The following PDZRN4 variants were observed in gnomAD, a reference collection of about 807,000 sequenced individuals.
The protein encoded by PDZRN4 is PDZ domain-containing RING finger protein 4.
A neutral mutation model predicts 99.0 loss-of-function variants in PDZRN4; 70 were observed. The ratio of observed to expected loss-of-function variants is 0.71; its 90% confidence interval spans 0.58 to 0.86. PDZRN4 has a LOEUF of 0.86. PDZRN4 is among the 40% of genes least tolerant of loss of function. The pLI, the probability that PDZRN4 is intolerant of heterozygous loss-of-function variation, is 0.00. For missense variants in PDZRN4, 1,474 were observed against 1,331.2 expected (o/e 1.11, Z -1.67); for synonymous variants, 551 against 501.6 (o/e 1.10, Z -1.32).
chr12:41,454,625 A>G (rs945656671), intron 3 of PDZRN4, among the ~76,000 whole-genome samples: 8 of 152,210 alleles, frequency 5.3e-5, no homozygotes, highest in African/African-American at 1.9e-4. Flanking sequence ...CCGGTGTGAC[A>G]CTGGTCACAA....
intron 5 of PDZRN4, among the ~76,000 whole-genome samples, chr12:41,545,867 G>A (rs925206219): frequency 1.3e-5 from 2 of 151,978 alleles, no homozygotes; most frequent in African/African-American, 4.8e-5. Flanking sequence ...GAAGGGCATG[G>A]TAGCAGAACT....
intron 3 of PDZRN4, among the ~76,000 whole-genome samples, chr12:41,458,126 T>C (rs1343961280): frequency 6.6e-6 from 1 of 152,192 alleles, no homozygotes; most frequent in Non-Finnish European, 1.5e-5. Flanking sequence ...CTGGGAAATC[T>C]AGAAGGTGTT....
At chr12:41,296,434 A>G (rs1951494621) in intron 3 of PDZRN4, among the ~76,000 whole-genome samples, 2 of 152,134 alleles carry the variant, frequency 1.3e-5, no homozygotes, top group African/African-American at 4.8e-5. Context: ...AAGAACAGTA[A>G]CTTCTTCTTA....
rs118155654 is a variant in PDZRN4 at position 41,312,453 on chromosome 12, C to T, written c.843+118265C>T. On this transcript the variant is annotated intron_variant, in intron 3 of 9. Transcript: ENST00000402685. ...TACATACTCTGCTCCTGAGGCTGGG[C>T]GTGTGGCCTTCTGTATTAGTCTGTT... is the stretch of plus-strand genomic sequence containing the variant. Among the ~76,000 whole-genome samples, 478 of 152,202 alleles carry T rather than the reference C, an allele frequency of 3.1e-3. 3 individuals carry two copies. The highest frequency in any genetic ancestry group is 5.0e-3 in the Non-Finnish European group (338 of 68,018).
intron 9 of PDZRN4, among the ~76,000 whole-genome samples, chr12:41,569,682 A>G (rs1002545890): frequency 6.6e-6 from 1 of 152,234 alleles, no homozygotes; most frequent in African/African-American, 2.4e-5. Context: ...CAGCTTGCTA[A>G]CATCCCATAA....
chr12:41,364,973 A>C (rs538180355), intron 3 of PDZRN4, among the ~76,000 whole-genome samples: 1 of 151,104 alleles, frequency 6.6e-6, no homozygotes, highest in Admixed American at 6.6e-5. Context: ...AAATTATACA[A>C]ATGTAGTTTT....
chr12:41,571,860 T>A lies in PDZRN4; in HGVS notation c.1585-504T>A, dbSNP rs372964667. ...ATGTTAACTTAGTCCTAAAACTCTG[T>A]GATGTTTGGCTTACCCATTGTCAGC... On this transcript the variant is annotated intron_variant, in intron 9 of 9. Transcript: ENST00000402685. Among the ~76,000 whole-genome samples the A allele has an allele frequency of 1.1e-4, 16 of 152,320 alleles. 1 individual carries two copies. In the South Asian group the frequency reaches 3.1e-3, roughly 30 times the overall value.
At position 41,573,460 on chromosome 12, in the gene PDZRN4, G is replaced by A. The variant is rs758202277; in HGVS notation, c.2681G>A (p.Arg894Lys). Residue 894 changes from arginine (R) to lysine (K), a missense_variant, in exon 10 of 10, where the codon AGG (arginine) becomes AAG (lysine). Arg to Lys is a conservative substitution (Grantham distance 26, BLOSUM62 2). Coordinates refer to ENST00000402685, the MANE Select transcript of PDZRN4 (RefSeq NM_001164595.2). ...EPKMEWKVKI[R>K]SDGTRYITKR... ...AAGATGGAATGGAAGGTGAAAATTA[G>A]GAGCGACGGGACACGGTACATCACA... The A allele has an allele frequency of 6.8e-6, 11 of 1,613,780 alleles. No homozygotes were observed. Among genetic ancestry groups the A allele is most frequent in the African/African-American group, 1.3e-5 (1 of 74,834 alleles).
chr12:41,490,185 A>C (rs1243749041), intron 3 of PDZRN4, among the ~76,000 whole-genome samples: 6 of 152,208 alleles, frequency 3.9e-5, no homozygotes, highest in Non-Finnish European at 8.8e-5. Flanking sequence ...GATAAATTGC[A>C]GATATCAAGA....
intron 3 of PDZRN4, among the ~76,000 whole-genome samples, chr12:41,205,714 A>G (rs1356244510): frequency 6.6e-6 from 1 of 151,900 alleles, no homozygotes; most frequent in African/African-American, 2.4e-5. Context: ...TGGCAATATC[A>G]TAATTAGAAA....
chr12:41,507,405 C>A (rs777528838), intron 4 of PDZRN4, among the ~76,000 whole-genome samples: 1 of 152,120 alleles, frequency 6.6e-6, no homozygotes, highest in Non-Finnish European at 1.5e-5. Context: ...GTTCTGTGAG[C>A]TTTCGAGCAA....
At chr12:41,529,228 TTTGTG>T (rs1401005533) in intron 5 of PDZRN4, among the ~76,000 whole-genome samples, 1 of 147,924 alleles carries the variant, frequency 6.8e-6, no homozygotes, top group African/African-American at 2.5e-5. Context: ...TGTGTGTGTG[TTTGTG>T]TGTGTGTGTG....
intron 3 of PDZRN4, among the ~76,000 whole-genome samples, chr12:41,405,850 GA>G (rs1333647698): frequency 6.7e-6 from 1 of 150,320 alleles, no homozygotes; most frequent in African/African-American, 2.5e-5. Flanking sequence ...TGCAGAAACA[GA>G]AAACCAAATA....
chr12:41,548,382 C>G (rs1473983692), intron 5 of PDZRN4, among the ~76,000 whole-genome samples: 1 of 152,094 alleles, frequency 6.6e-6, no homozygotes, highest in African/African-American at 2.4e-5. Context: ...GCATATTTCA[C>G]TAGTTGCTAA....
intron 3 of PDZRN4, among the ~76,000 whole-genome samples, chr12:41,417,361 A>G (rs1288765420): frequency 6.6e-6 from 1 of 152,224 alleles, no homozygotes; most frequent in Non-Finnish European, 1.5e-5. Context: ...ACTGAATAGC[A>G]TTACCTAATT....
chr12:41,212,073 A>G (rs1266784808), intron 3 of PDZRN4, among the ~76,000 whole-genome samples: 4 of 151,882 alleles, frequency 2.6e-5, no homozygotes, highest in African/African-American at 7.2e-5. Context: ...CTGTCAGCCT[A>G]ATGGTGAGAG....
At chr12:41,316,167 A>G (rs1951636573) in intron 3 of PDZRN4, among the ~76,000 whole-genome samples, 1 of 152,004 alleles carries the variant, frequency 6.6e-6, no homozygotes, top group Non-Finnish European at 1.5e-5. Flanking sequence ...CTTTCTCCTG[A>G]TATTCGTACC....
chr12:41,443,828 G>A (rs1327786544), intron 3 of PDZRN4, among the ~76,000 whole-genome samples: 1 of 152,098 alleles, frequency 6.6e-6, no homozygotes, highest in Non-Finnish European at 1.5e-5. Context: ...GATTTCATTT[G>A]CAGGATATCT....
At chr12:41,517,602 A>AATGAATCTGTCTCTTGAAT in intron 5 of PDZRN4, among the ~76,000 whole-genome samples, 1 of 152,120 alleles carries the variant, frequency 6.6e-6, no homozygotes, top group Non-Finnish European at 1.5e-5. Flanking sequence ...CCCCAGTTCT[A>AATGAATCTGTCTCTTGAAT]GATCTGTCTC....
Sources: gnomAD v4.1 joint callset for allele counts (sites outside exome capture counted in the v4.1 genomes callset) on GRCh38, gnomAD v4.1.1 for gene constraint, MANE v1.5 for transcripts, NCBI Gene and HGNC (gene_info 2026-07-23, HGNC 2026-07-21) for gene names.